Variants in NR6A1 observed in about 807,000 individuals in gnomAD.
NR6A1 encodes retinoic acid receptor-related testis-associated receptor.
NR6A1 carries 7 observed loss-of-function variants against 59.1 expected under a neutral mutation model. The observed-to-expected ratio is 0.12, with a 90% CI of 0.07 to 0.22. NR6A1 has a LOEUF of 0.22. Among genes scored for constraint, NR6A1 ranks in the 10% least tolerant of loss-of-function variants. The probability of loss-of-function intolerance (pLI) is 1.00; values close to 1 mark genes in which losing one functional copy is unlikely to be tolerated. For missense variants in NR6A1, 468 were observed against 611.6 expected, an observed-to-expected ratio of 0.77 and a Z score of 2.48; for synonymous variants, 243 against 236.1, an observed-to-expected ratio of 1.03 and a Z score of -0.27.
chr9:124,584,310 G>A (rs1400349817), intron 2 of NR6A1, among the ~76,000 whole-genome samples: 1 of 151,844 alleles, frequency 6.6e-6, no homozygotes, highest in East Asian at 1.9e-4. Flanking sequence ...GTTTCACCTT[G>A]TTGGCAGGAT....
intron 2 of NR6A1, among the ~76,000 whole-genome samples, chr9:124,566,022 T>C (rs1447881835): frequency 6.6e-6 from 1 of 152,250 alleles, no homozygotes; most frequent in African/African-American, 2.4e-5. Context: ...CACAACGGCA[T>C]GCTTTATAAA....
At chr9:124,583,524 CAGA>C (rs1279728406) in intron 2 of NR6A1, among the ~76,000 whole-genome samples, 1 of 152,168 alleles carries the variant, frequency 6.6e-6, no homozygotes, top group Non-Finnish European at 1.5e-5. Context: ...TCAACATATT[CAGA>C]AGAAGACTGA....
intron 2 of NR6A1, chr9:124,607,541 T>G (rs932104818): frequency 2.0e-5 from 3 of 152,230 alleles, no homozygotes; most frequent in African/African-American, 7.2e-5. Context: ...TTTTGGATCC[T>G]GTAAATTTAC....
chr9:124,541,576 T>C (rs892142993), intron 4 of NR6A1, among the ~76,000 whole-genome samples: 32 of 152,190 alleles, frequency 2.1e-4, no homozygotes, highest in African/African-American at 7.5e-4. Flanking sequence ...TTGTGCACTG[T>C]TAGTGGGAAT....
intron 2 of NR6A1, among the ~76,000 whole-genome samples, chr9:124,696,268 A>G (rs1414986451): frequency 6.6e-6 from 1 of 152,176 alleles, no homozygotes; most frequent in African/African-American, 2.4e-5. Flanking sequence ...TGAGGGGAAG[A>G]AAAGAGAAAA....
At chr9:124,589,509 A>C (rs1344128625) in intron 2 of NR6A1, among the ~76,000 whole-genome samples, 1 of 152,230 alleles carries the variant, frequency 6.6e-6, no homozygotes, top group Non-Finnish European at 1.5e-5. Flanking sequence ...GATAGTGTAC[A>C]TGTACACATA....
intron 2 of NR6A1, among the ~76,000 whole-genome samples, chr9:124,696,873 G>A (rs1838781871): frequency 6.6e-6 from 1 of 152,140 alleles, no homozygotes; most frequent in South Asian, 2.1e-4. Flanking sequence ...GCCCAGGCTG[G>A]TCTCAAACTC....
At chr9:124,721,420 T>C (rs1839560141) in intron 2 of NR6A1, among the ~76,000 whole-genome samples, 1 of 152,204 alleles carries the variant, frequency 6.6e-6, no homozygotes, top group Non-Finnish European at 1.5e-5. Flanking sequence ...TTCAGAAGGC[T>C]TGATCTAGCA....
At chr9:124,733,500 C>A in intron 1 of NR6A1, 151 bp from the exon 2 acceptor site, 1 of 629,138 alleles carries the variant, frequency 1.6e-6, no homozygotes. Flanking sequence ...TACTACATAT[C>A]CCTCTGAGCC....
chr9:124,709,390 T>G (rs1465667837), intron 2 of NR6A1, among the ~76,000 whole-genome samples: 1 of 152,152 alleles, frequency 6.6e-6, no homozygotes, highest in African/African-American at 2.4e-5. Context: ...TGAACACAAA[T>G]ACTTTAGTTA....
intron 2 of NR6A1, among the ~76,000 whole-genome samples, chr9:124,601,547 G>T (rs1193608493): frequency 7.2e-6 from 1 of 138,868 alleles, no homozygotes; most frequent in African/African-American, 2.8e-5. Flanking sequence ...TGGTGCCACT[G>T]CACTCCAGCC....
rs193206262 is a variant in NR6A1 at position 124,522,805 on chromosome 9, G to C, written c.1355-12C>G. 119 of 1,571,134 alleles carry C rather than the reference G, an allele frequency of 7.6e-5. No individual in the cohort carries two copies. The African/African-American group carries it at 1.0e-3, about 13-fold the overall frequency. ...ATTCACCATCTTTCCTGGGAACAAG[G>C]GGGGAGAAGAAGAGTTAGCAGTGGT... On this transcript the variant is annotated splice_polypyrimidine_tract_variant and intron_variant, in intron 9 of 9. Coordinates refer to ENST00000487099, the MANE Select transcript of NR6A1 (RefSeq NM_033334.4).
intron 1 of NR6A1, among the ~76,000 whole-genome samples, chr9:124,754,982 A>C (rs1840597081): frequency 6.6e-6 from 1 of 152,182 alleles, no homozygotes; most frequent in Non-Finnish European, 1.5e-5. Context: ...AAAAAATCAC[A>C]AGAATAGACA....
chr9:124,621,318 G>T (rs947967736), intron 2 of NR6A1, among the ~76,000 whole-genome samples: 4 of 152,100 alleles, frequency 2.6e-5, no homozygotes, highest in Non-Finnish European at 4.4e-5. Flanking sequence ...TTCCTTTTCA[G>T]TAGCTCAAAA....
Position 124,666,275 on chromosome 9 carries a change from C to CTTTTTTTTTT in NR6A1, c.142+67023_142+67032dup, listed in dbSNP as rs922378385. Among the ~76,000 whole-genome samples, 77 of 103,050 alleles carry CTTTTTTTTTT rather than the reference C, an allele frequency of 7.5e-4. 4 individuals carry two copies. Among genetic ancestry groups the CTTTTTTTTTT allele is most frequent in the African/African-American group, 3.2e-3 (74 of 23,010 alleles). 67.6% of individuals were successfully genotyped at this position (103,050 alleles called of 152,430 possible). On this transcript the variant is annotated intron_variant, in intron 2 of 9. Transcript: ENST00000487099. ...TTGGCGGAATTACCTCTATGTGGTT[C>CTTTTTTTTTT]TTTTTTTTTTTTTTTTTTTTTGAGA...
intron 2 of NR6A1, among the ~76,000 whole-genome samples, chr9:124,688,610 T>C (rs767746993): frequency 7.9e-4 from 121 of 152,224 alleles, no homozygotes; most frequent in Admixed American, 2.9e-3. Flanking sequence ...TATTCACTGC[T>C]ACTGGCCAAG....
At chr9:124,587,433 G>A (rs1349256692) in intron 2 of NR6A1, among the ~76,000 whole-genome samples, 1 of 152,192 alleles carries the variant, frequency 6.6e-6, no homozygotes, top group Non-Finnish European at 1.5e-5. Context: ...CAGAGACCTT[G>A]TGCCAATGCT....
chr9:124,636,333 T>C (rs574414223), intron 2 of NR6A1, among the ~76,000 whole-genome samples: 1 of 152,336 alleles, frequency 6.6e-6, no homozygotes, highest in South Asian at 2.1e-4. Flanking sequence ...GGTATGTTTT[T>C]TTTCAGATGT....
intron 2 of NR6A1, among the ~76,000 whole-genome samples, chr9:124,658,008 T>G (rs1012855189): frequency 1.3e-5 from 2 of 152,228 alleles, no homozygotes; most frequent in African/African-American, 4.8e-5. Flanking sequence ...GAAGCTTGGT[T>G]AGGATCACAA....
Sources: allele counts gnomAD v4.1 joint callset (sites outside exome capture counted in the v4.1 genomes callset), GRCh38; gene constraint gnomAD v4.1.1; transcripts MANE v1.5; gene names NCBI Gene and HGNC (gene_info 2026-07-23, HGNC 2026-07-21).